Variants in FMO3 observed in about 807,000 individuals in gnomAD.
FMO3 encodes the protein flavin-containing monooxygenase 3.
FMO3 carries 40 observed loss-of-function variants against 39.4 expected under a neutral mutation model. That is an observed-to-expected ratio of 1.02 (90% CI 0.79 to 1.32). FMO3 has a LOEUF of 1.32. FMO3 is among the 40% of genes most tolerant of loss of function. The pLI is 0.00. For missense variants in FMO3, 680 were observed against 651.8 expected (o/e 1.04, Z -0.47); for synonymous variants, 219 against 228.8 (o/e 0.96, Z 0.39).
chr1:171,117,315 A>T lies in FMO3; in HGVS notation c.1472A>T (p.Asp491Val). 6.2e-7 allele frequency: 1 copy of T among 1,614,066 alleles called. No homozygotes were observed. The highest frequency in any genetic ancestry group is 8.5e-7 in the Non-Finnish European group (1 of 1,179,934). The change falls in exon 9 of 9, where the codon GAC (aspartate) becomes GTC (valine). Residue 491 changes from aspartate to valine, a missense_variant. Physicochemically the swap from Asp to Val is radical, Grantham distance 152 (BLOSUM62 -3). Coordinates refer to ENST00000367755, the MANE Select transcript of FMO3 (RefSeq NM_001002294.3). Reference protein sequence around the residue: ...GARNAILTQWDRSLKPMQTRV... With the variant: ...GARNAILTQWVRSLKPMQTRV... The stretch of plus-strand genomic sequence containing the variant: ...AGAAATGCCATACTGACCCAGTGGG[A>T]CCGGTCGTTGAAACCCATGCAGACA...
intron 6 of FMO3, among the ~76,000 whole-genome samples, chr1:171,112,066 T>C (rs1331311848): frequency 2.0e-5 from 3 of 152,088 alleles, no homozygotes; most frequent in Non-Finnish European, 4.4e-5. Context: ...GGGAAGGGTA[T>C]TCCAGACTGA....
At chr1:171,114,383 A>G in intron 7 of FMO3, 21 bp downstream of exon 7, 13 of 1,548,094 alleles carry the variant, frequency 8.4e-6, no homozygotes, top group Non-Finnish European at 1.1e-5. Context: ...AAAGAGGCTC[A>G]TGGATTGCGA....
In FMO3 at chr1:171,110,817, G is replaced by C; in HGVS notation, c.647G>C (p.Ser216Thr). The C allele has an allele frequency of 6.2e-7, 1 of 1,613,948 alleles. No homozygotes were observed. The highest frequency in any genetic ancestry group is 1.3e-5 in the African/African-American group (1 of 75,028). ...TAEQVMISSR[S>T]GSWVMSRVWD... The stretch of plus-strand genomic sequence containing the variant: ...TTTAAGGTCATGATCAGTTCCAGAA[G>C]TGGCTCCTGGGTGATGAGCCGGGTC... The change falls in exon 6 of 9, where the codon AGT (serine) becomes ACT (threonine). Residue 216 changes from serine (S) to threonine (T), a missense_variant. Transcript: ENST00000367755.
rs1655667541 is a variant in FMO3, at chr1:171,106,964, C to CA, written c.322-706dup. 2.0e-5 allele frequency among the ~76,000 whole-genome samples: 3 copies of CA among 151,996 alleles called. No homozygotes were observed. In the South Asian group the frequency reaches 6.2e-4, roughly 31 times the overall value. On this transcript the variant is annotated intron_variant, in intron 3 of 8. Coordinates refer to ENST00000367755, the MANE Select transcript of FMO3 (RefSeq NM_001002294.3). ...TCATTTTATTATATTTCATAACTAA[C>CA]AAAAATGTAACATATATGTGTTTGT...
At chr1:171,100,991 A>T (rs1655355115) in intron 2 of FMO3, 2 of 388,850 alleles carry the variant, frequency 5.1e-6, no homozygotes, top group African/African-American at 4.2e-5. Flanking sequence ...GGGAGATTTA[A>T]CACAAAGAGA....
At chr1:171,100,977 C>T (rs1390387396) in intron 2 of FMO3, 2 of 374,882 alleles carry the variant, frequency 5.3e-6, no homozygotes, top group Non-Finnish European at 1.1e-5. Flanking sequence ...AAGAGAGAGG[C>T]AGAGGGAGAT....
In FMO3 at chr1:171,095,398, T is replaced by A. The variant is rs1654906261; in HGVS notation, c.132+2608T>A. Among the ~76,000 whole-genome samples the A allele has an allele frequency of 2.0e-5, 3 of 152,226 alleles. No individual in the cohort carries two copies. In the South Asian group the frequency reaches 6.2e-4, roughly 32 times the overall value. ...ATGTGTTGCCAAACAGCAGCAGGAA[T>A]GGGGCTTCCCTATGTTCTCCACTCA... On this transcript the variant is annotated intron_variant, in intron 2 of 8. Coordinates refer to ENST00000367755, the MANE Select transcript of FMO3 (RefSeq NM_001002294.3).
chr1:171,116,380 A>G (rs1432464557), intron 8 of FMO3, 100 bp downstream of exon 8: 2 of 685,910 alleles, frequency 2.9e-6, no homozygotes, highest in Admixed American at 2.4e-5. Context: ...CCTGAATGAC[A>G]TCATTGGAAT....
intron 3 of FMO3, among the ~76,000 whole-genome samples, chr1:171,107,303 T>A (rs1382823628): frequency 2.0e-5 from 3 of 152,200 alleles, no homozygotes; most frequent in Non-Finnish European, 2.9e-5. Context: ...GTTCAGTACA[T>A]CTATCTTTGA....
chr1:171,095,857 T>A (rs1314903844), intron 2 of FMO3, among the ~76,000 whole-genome samples: 68 of 29,086 alleles, frequency 2.3e-3, no homozygotes, highest in African/African-American at 7.5e-3. Flanking sequence ...ATTATATATA[T>A]AATATAAATA....
At chr1:171,116,675 T>C (rs1656168024) in intron 8 of FMO3, among the ~76,000 whole-genome samples, 1 of 152,166 alleles carries the variant, frequency 6.6e-6, no homozygotes, top group African/African-American at 2.4e-5. Flanking sequence ...TTCAAAGGTA[T>C]ACCTCTAATG....
chr1:171,116,948 T>A, intron 8 of FMO3, 152 bp from the exon 9 acceptor site: 1 of 661,794 alleles, frequency 1.5e-6, no homozygotes, highest in Non-Finnish European at 2.7e-6. Flanking sequence ...AAGAAATTGA[T>A]GTTGTATGTC....
chr1:171,103,740 T>A (rs778052785), intron 2 of FMO3, 45 bp from the exon 3 acceptor site: 1 of 1,464,882 alleles, frequency 6.8e-7, no homozygotes, highest in Non-Finnish European at 9.6e-7. Context: ...ATGATCAGTA[T>A]ACTCATTTAC....
Position 171,108,070 on chromosome 1 carries a change from T to C in FMO3, c.485-9T>C. The C allele has an allele frequency of 1.2e-6, 2 of 1,613,812 alleles. No individual in the cohort carries two copies. Among genetic ancestry groups the C allele is most frequent in the Non-Finnish European group, 1.7e-6 (2 of 1,179,762 alleles). ...TCAAACTGCCATGTATTTCTCACTT[T>C]TCACTCAGGACTAAACCACTTTAAA... On this transcript the variant is annotated splice_polypyrimidine_tract_variant and intron_variant, in intron 4 of 8. Transcript: ENST00000367755.
At chr1:171,094,001 G>C (rs1654840434) in intron 2 of FMO3, among the ~76,000 whole-genome samples, 1 of 151,344 alleles carries the variant, frequency 6.6e-6, no homozygotes, top group African/African-American at 2.4e-5. Flanking sequence ...GCTAATTTTT[G>C]TATTTTTAGT....
chr1:171,104,049 T>C (rs1362315829), intron 3 of FMO3, 76 bp downstream of exon 3: 2 of 1,093,236 alleles, frequency 1.8e-6, no homozygotes, highest in Non-Finnish European at 2.8e-6. Context: ...TCTCATTTGT[T>C]CCTTTCAGTT....
chr1:171,093,827 C>CTTTTT lies in FMO3; in HGVS notation c.132+1058_132+1062dup, dbSNP rs1228257104. 5.7e-3 allele frequency among the ~76,000 whole-genome samples: 432 copies of CTTTTT among 75,308 alleles called. 14 individuals are homozygous for CTTTTT. The highest frequency in any genetic ancestry group is 9.6e-3 in the Admixed American group (50 of 5,206). The allele number at this position is 75,308 out of a possible 152,430, so 49.4% of individuals were successfully genotyped here. A position where few individuals can be genotyped will look rare whatever the true frequency, so the allele number is the denominator to read the frequency against. On this transcript the variant is annotated intron_variant, in intron 2 of 8. Transcript: ENST00000367755. ...CTTTTCTCCACATACTCACTAATATCTTTTTTTTTTTTTTTTTTTTTTTTT... is the reference window on the plus strand; with the variant it reads ...CTTTTCTCCACATACTCACTAATATCTTTTTTTTTTTTTTTTTTTTTTTTTTTTTT...
chr1:171,097,537 G>A (rs1655165441), intron 2 of FMO3, among the ~76,000 whole-genome samples: 1 of 126,132 alleles, frequency 7.9e-6, no homozygotes, highest in Non-Finnish European at 1.6e-5. Flanking sequence ...TTCTCTGATG[G>A]TCAGTGATGG....
In FMO3 at chr1:171,110,832, T is replaced by C. The variant is rs1414636713; in HGVS notation, c.662T>C (p.Met221Thr). 6.2e-7 allele frequency: 1 copy of C among 1,614,028 alleles called. No homozygotes were observed. Among genetic ancestry groups the C allele is most frequent in the East Asian group, 2.2e-5 (1 of 44,868 alleles). The change falls in exon 6 of 9, where the codon ATG (methionine) becomes ACG (threonine). Residue 221 changes from methionine to threonine, a missense_variant. Physicochemically the swap from Met to Thr is moderately conservative, Grantham distance 81. Transcript: ENST00000367755. ...MISSRSGSWVMSRVWDNGYPW... is the reference protein window; with the variant it reads ...MISSRSGSWVTSRVWDNGYPW... The stretch of plus-strand genomic sequence containing the variant: ...AGTTCCAGAAGTGGCTCCTGGGTGA[T>C]GAGCCGGGTCTGGGACAATGGTTAT...
Sources: gnomAD v4.1 joint callset for allele counts (sites outside exome capture counted in the v4.1 genomes callset) on GRCh38, gnomAD v4.1.1 for gene constraint, MANE v1.5 for transcripts, NCBI Gene and HGNC (gene_info 2026-07-23, HGNC 2026-07-21) for gene names.